AHCY: variants seen among roughly 807,000 people sequenced by gnomAD.
The protein encoded by AHCY is adenosylhomocysteinase.
In AHCY, 24 loss-of-function variants were observed where a neutral mutation model predicts 45.4. That is an observed-to-expected ratio of 0.53 (90% CI 0.38 to 0.74). AHCY has a LOEUF of 0.74. Among genes scored for constraint, AHCY ranks in the 30% least tolerant of loss-of-function variants. The probability of loss-of-function intolerance (pLI) is 0.00; values close to 1 mark genes in which losing one functional copy is unlikely to be tolerated. For missense variants in AHCY, 449 were observed against 594.1 expected, an observed-to-expected ratio of 0.76 and a Z score of 2.54; for synonymous variants, 245 against 235.1, an observed-to-expected ratio of 1.04 and a Z score of -0.39.
At chr20:34,255,955 TCA>T in the AHCY span, among the ~76,000 whole-genome samples, 141 of 152,114 alleles carry the variant, frequency 9.3e-4, no homozygotes, top group Non-Finnish European at 1.5e-3. Flanking sequence ...AGGCCTGACA[TCA>T]GTCAGGCCCA....
At chr20:34,283,278 T>C (rs2036062618) in intron 9 of AHCY, among the ~76,000 whole-genome samples, 1 of 152,176 alleles carries the variant, frequency 6.6e-6, no homozygotes, top group Non-Finnish European at 1.5e-5. Flanking sequence ...ATTCCTGGCC[T>C]GATACTTAAC....
chr20:34,269,177 C>T, the AHCY span: 2 of 1,495,060 alleles, frequency 1.3e-6, no homozygotes, highest in Non-Finnish European at 1.8e-6. Flanking sequence ...AGCGCCCCCA[C>T]TCCCGGCCGC....
At chr20:34,293,253 A>G (rs1233877950) in intron 3 of AHCY, among the ~76,000 whole-genome samples, 2 of 152,034 alleles carry the variant, frequency 1.3e-5, no homozygotes, top group Non-Finnish European at 1.5e-5. Context: ...ACTGAGGGCT[A>G]CTGACCACCA....
At chr20:34,299,507 T>C (rs1053468615) in intron 1 of AHCY, among the ~76,000 whole-genome samples, 2 of 152,306 alleles carry the variant, frequency 1.3e-5, no homozygotes, top group Admixed American at 6.5e-5. Context: ...TTCTCTTATG[T>C]TTACCAATTA....
chr20:34,285,296 G>C, intron 9 of AHCY, 144 bp downstream of exon 9: 1 of 854,470 alleles, frequency 1.2e-6, no homozygotes, highest in Non-Finnish European at 1.9e-6. Context: ...TCAATGGGGA[G>C]AATGACTTCT....
At chr20:34,258,700 A>ATATACACACACATAC in the AHCY span, among the ~76,000 whole-genome samples, 2 of 77,922 alleles carry the variant, frequency 2.6e-5, 1 homozygote, top group Non-Finnish European at 4.8e-5. Context: ...TACATACTAT[A>ATATACACACACATAC]TATATATATT....
intron 2 of AHCY, among the ~76,000 whole-genome samples, chr20:34,294,625 A>G (rs1044794825): frequency 6.6e-6 from 1 of 152,144 alleles, no homozygotes; most frequent in Non-Finnish European, 1.5e-5. Context: ...AGGCTGGAAC[A>G]GAGGTTCCAT....
Position 34,281,009 on chromosome 20 carries a change from G to A in AHCY, c.*25C>T. On this transcript the variant is annotated 3_prime_UTR_variant, in exon 10 of 10. Coordinates refer to ENST00000217426, the MANE Select transcript of AHCY (RefSeq NM_000687.4). ...TGGGGCCTGGGCAAGGACAGCAGCT[G>A]GAGGGTGAAACGCAGACCTGGCTCT... 1.9e-6 allele frequency: 3 copies of A among 1,613,744 alleles called. No homozygotes were observed. Among genetic ancestry groups the A allele is most frequent in the East Asian group, 4.5e-5 (2 of 44,872 alleles).
rs776666073 is a variant in AHCY, at chr20:34,290,671, G to A, written c.767-33C>T. On this transcript the variant is annotated intron_variant, in intron 6 of 9. Transcript: ENST00000217426. The surrounding 1 kb of genome is among the most constrained non-coding windows in gnomAD (Gnocchi z 4.5). ...GAGACAGTGGCTGTGGGTCATCTAC[G>A]GTGGCCTTGCCCCTCCCTCTGGCCC... 43 of 1,613,748 alleles carry A rather than the reference G, an allele frequency of 2.7e-5. No individual in the cohort carries two copies. The highest frequency in any genetic ancestry group is 1.6e-4 in the Middle Eastern group (1 of 6,084).
chr20:34,275,011 C>A, the AHCY span, among the ~76,000 whole-genome samples: 1 of 152,036 alleles, frequency 6.6e-6, no homozygotes, highest in African/African-American at 2.4e-5. Context: ...TGCTGTATGA[C>A]CTTGGGCAAA....
intron 4 of AHCY, among the ~76,000 whole-genome samples, chr20:34,291,914 A>T (rs819159): frequency 0.72 from 109,694 of 152,214 alleles, 44,066 homozygotes; most frequent in Non-Finnish European, 0.89. Context: ...TTGCTCTGCA[A>T]ATCAGGTCAA....
chr20:34,295,394 C>A lies in AHCY; in HGVS notation c.219+1G>T. On this transcript the variant is annotated splice_donor_variant, in intron 2 of 9. Coordinates refer to ENST00000217426, the MANE Select transcript of AHCY (RefSeq NM_000687.4). LOFTEE classifies it high-confidence loss of function. ...TGGGGTGATACAGCTGTGGGCCTCACCTCAGCACCCAGGGTGACGAGGGTC... is the reference window on the plus strand; with the variant it reads ...TGGGGTGATACAGCTGTGGGCCTCAACTCAGCACCCAGGGTGACGAGGGTC... 1 of 1,614,096 alleles carries A rather than the reference C, an allele frequency of 6.2e-7. No individual in the cohort carries two copies. The highest frequency in any genetic ancestry group is 8.5e-7 in the Non-Finnish European group (1 of 1,179,982).
At chr20:34,251,827 A>C in the AHCY span, among the ~76,000 whole-genome samples, 1 of 152,192 alleles carries the variant, frequency 6.6e-6, no homozygotes, top group African/African-American at 2.4e-5. Flanking sequence ...TTGTGAGATT[A>C]GAGAGATGAT....
At chr20:34,267,938 T>C in the AHCY span, among the ~76,000 whole-genome samples, 1 of 138,246 alleles carries the variant, frequency 7.2e-6, no homozygotes, top group African/African-American at 3.4e-5. Context: ...TAAAAAGTTA[T>C]TGAAATAATT....
the AHCY span, among the ~76,000 whole-genome samples, chr20:34,263,403 A>T: frequency 2.0e-5 from 3 of 152,094 alleles, no homozygotes; most frequent in African/African-American, 7.2e-5. Context: ...CGTCTCTACT[A>T]AAAATACAAA....
upstream of AHCY, among the ~76,000 whole-genome samples, chr20:34,307,716 A>G (rs1182429875): frequency 6.6e-6 from 1 of 152,214 alleles, no homozygotes; most frequent in Non-Finnish European, 1.5e-5. Flanking sequence ...AATTATCTCA[A>G]AATAAAAGGT....
At chr20:34,283,643 T>C (rs930817329) in intron 9 of AHCY, among the ~76,000 whole-genome samples, 1 of 152,304 alleles carries the variant, frequency 6.6e-6, no homozygotes, top group Admixed American at 6.5e-5. Flanking sequence ...ACCAAACTCA[T>C]AGCCATATTT....
In AHCY at chr20:34,290,061, C is replaced by T. The variant is rs550658165; in HGVS notation, c.972+271G>A. On this transcript the variant is annotated intron_variant, in intron 8 of 9. Transcript: ENST00000217426. The surrounding 1 kb of genome is among the most constrained non-coding windows in gnomAD (Gnocchi z 4.5). ...TCTAAAAGCCTCTCTCCCCACCACC[C>T]GCCATTGTTGCTTTTATTCTGCACA... Among the ~76,000 whole-genome samples the T allele has an allele frequency of 9.2e-5, 14 of 152,332 alleles. No homozygotes were observed. Among genetic ancestry groups the T allele is most frequent in the East Asian group, 1.9e-4 (1 of 5,180 alleles).
intron 1 of AHCY, among the ~76,000 whole-genome samples, 180 bp from the exon 2 acceptor site, chr20:34,295,765 AC>A (rs1263639335): frequency 6.6e-6 from 1 of 152,264 alleles, no homozygotes; most frequent in Non-Finnish European, 1.5e-5. Flanking sequence ...CAAGAAAGAC[AC>A]GGTCCCTGCC....
Sources: gnomAD v4.1 joint callset for allele counts (sites outside exome capture counted in the v4.1 genomes callset) on GRCh38, gnomAD v4.1.1 for gene constraint, Gnocchi (gnomAD v3.1) non-coding constraint, MANE v1.5 for transcripts, NCBI Gene and HGNC (gene_info 2026-07-23, HGNC 2026-07-21) for gene names.